NPFFR2: variants seen among roughly 807,000 people sequenced by gnomAD.
NPFFR2 encodes neuropeptide FF receptor 2, also known as G-protein coupled receptor 74.
A neutral mutation model predicts 13.1 loss-of-function variants in NPFFR2; 15 were observed. That is an observed-to-expected ratio of 1.15 (90% CI 0.77 to 1.76). The LOEUF is 1.76. Ranked by LOEUF, NPFFR2 falls within the 40% of genes most tolerant of loss-of-function variation. The pLI is 0.00. For synonymous variants in NPFFR2, 190 were observed against 175.7 expected, an observed-to-expected ratio of 1.08 and a Z score of -0.65; for missense variants, 572 against 503.5, an observed-to-expected ratio of 1.14 and a Z score of -1.30.
chr4:72,038,905 CTTTTT>C lies in NPFFR2; in HGVS notation c.-8+6722_-8+6726del, dbSNP rs1158358179. Among the ~76,000 whole-genome samples the C allele has an allele frequency of 1.1e-4, 9 of 84,752 alleles. No individual in the cohort carries two copies. In the East Asian group the frequency reaches 1.5e-3, roughly 15 times the overall value. 55.6% of individuals were successfully genotyped at this position (84,752 alleles called of 152,430 possible). A position where few individuals can be genotyped will look rare whatever the true frequency, so the allele number is the denominator to read the frequency against. On this transcript the variant is annotated intron_variant, in intron 1 of 3. Transcript: ENST00000308744. ...AATTCTTGATTTTTAAATTTCCTTTCTTTTTTTTTTTTTTTTTTTTTGAGATGGAG... is the reference window on the plus strand; with the variant it reads ...AATTCTTGATTTTTAAATTTCCTTTCTTTTTTTTTTTTTTTTGAGATGGAG...
chr4:72,115,874 A>G (rs1721699266), intron 1 of NPFFR2, among the ~76,000 whole-genome samples: 1 of 152,174 alleles, frequency 6.6e-6, no homozygotes, highest in Admixed American at 6.6e-5. Context: ...GTTGCATTAA[A>G]GTGGTTCTCA....
chr4:72,081,545 G>A (rs897565980), intron 1 of NPFFR2, among the ~76,000 whole-genome samples: 2 of 148,540 alleles, frequency 1.3e-5, no homozygotes, highest in African/African-American at 5.0e-5. Flanking sequence ...CTGGAATGCA[G>A]TGGCATGGTC....
intron 1 of NPFFR2, among the ~76,000 whole-genome samples, chr4:72,086,270 T>C (rs1199979503): frequency 1.3e-5 from 2 of 152,096 alleles, no homozygotes; most frequent in Non-Finnish European, 2.9e-5. Flanking sequence ...TAGATCCTTG[T>C]TGTTTTGCAG....
intron 1 of NPFFR2, among the ~76,000 whole-genome samples, chr4:72,091,043 C>T (rs887162047): frequency 1.1e-4 from 16 of 151,634 alleles, no homozygotes; most frequent in African/African-American, 2.4e-4. Context: ...TTAATCATAA[C>T]GGGATGCTGG....
At chr4:72,065,022 A>G (rs1274626444) in intron 1 of NPFFR2, among the ~76,000 whole-genome samples, 1 of 152,062 alleles carries the variant, frequency 6.6e-6, no homozygotes, top group African/African-American at 2.4e-5. Flanking sequence ...CACAATATCA[A>G]TGCATCCAAG....
chr4:72,128,875 G>A lies in NPFFR2; in HGVS notation c.284G>A (p.Gly95Asp), dbSNP rs771116511. 1.9e-6 allele frequency: 3 copies of A among 1,613,716 alleles called. No homozygotes were observed. In the African/African-American group the frequency reaches 4.0e-5, roughly 22 times the overall value. The change falls in exon 2 of 4, where the codon GGC becomes GAC. Residue 95 changes from glycine to aspartate, a missense_variant. Coordinates refer to ENST00000308744, the MANE Select transcript of NPFFR2 (RefSeq NM_004885.3). ...LNLAISDLLV[G>D]IFCMPITLLD... is the part of the protein sequence containing the mutation. ...CTGGCCATAAGTGATTTACTAGTTG[G>A]CATATTCTGCATGCCTATAACACTG...
chr4:72,106,423 C>T (rs1163004569), intron 1 of NPFFR2, among the ~76,000 whole-genome samples: 4 of 152,024 alleles, frequency 2.6e-5, no homozygotes, highest in African/African-American at 4.8e-5. Context: ...AGATTTCTCA[C>T]GGCCAAGGAA....
At chr4:72,116,403 T>C (rs1721713796) in intron 1 of NPFFR2, among the ~76,000 whole-genome samples, 1 of 151,556 alleles carries the variant, frequency 6.6e-6, no homozygotes, top group Non-Finnish European at 1.5e-5. Context: ...CAATGGACAC[T>C]GGGGACTACT....
intron 3 of NPFFR2, among the ~76,000 whole-genome samples, chr4:72,141,908 G>T (rs1257105366): frequency 6.6e-6 from 1 of 152,126 alleles, no homozygotes; most frequent in Non-Finnish European, 1.5e-5. Context: ...CTATTTGTAG[G>T]TCTCTAAGGA....
At chr4:72,037,098 G>A (rs1719057169) in intron 1 of NPFFR2, among the ~76,000 whole-genome samples, 2 of 151,842 alleles carry the variant, frequency 1.3e-5, no homozygotes, top group Non-Finnish European at 1.5e-5. Flanking sequence ...AATCTTTAAA[G>A]TACCTCATTT....
At chr4:72,092,650 A>G (rs1376354887) in intron 1 of NPFFR2, among the ~76,000 whole-genome samples, 1 of 152,108 alleles carries the variant, frequency 6.6e-6, no homozygotes, top group African/African-American at 2.4e-5. Context: ...TGGTATAGGA[A>G]TAGTTACTCC....
At chr4:72,037,243 A>C (rs1241985720) in intron 1 of NPFFR2, among the ~76,000 whole-genome samples, 1 of 144,698 alleles carries the variant, frequency 6.9e-6, no homozygotes, top group Non-Finnish European at 1.5e-5. Flanking sequence ...AAAAAAAAAC[A>C]AAAAACTAGC....
chr4:72,047,076 A>G (rs542650631), intron 1 of NPFFR2, among the ~76,000 whole-genome samples: 1 of 152,270 alleles, frequency 6.6e-6, no homozygotes, highest in African/African-American at 2.4e-5. Context: ...TTTTAACCAT[A>G]TACAGTGAGA....
Position 72,142,565 on chromosome 4 carries a change from C to T in NPFFR2, c.429-4413C>T, listed in dbSNP as rs553811320. 4.6e-5 allele frequency among the ~76,000 whole-genome samples: 7 copies of T among 152,240 alleles called. No individual in the cohort carries two copies. In the South Asian group the frequency reaches 6.2e-4, roughly 14 times the overall value. Reference sequence around the variant, plus strand: ...CTGTTCCTATCCGGCCATTTTGGAACGGAACCTGAGAATATCTACCTCTTT... The same window carrying T: ...CTGTTCCTATCCGGCCATTTTGGAATGGAACCTGAGAATATCTACCTCTTT... On this transcript the variant is annotated intron_variant, in intron 3 of 3. Transcript: ENST00000308744.
intron 1 of NPFFR2, among the ~76,000 whole-genome samples, chr4:72,125,998 T>A (rs1352971507): frequency 6.6e-6 from 1 of 152,222 alleles, no homozygotes; most frequent in Admixed American, 6.5e-5. Flanking sequence ...CTGAGGTAGA[T>A]TAATATTGAA....
chr4:72,091,140 G>A (rs1720908919), intron 1 of NPFFR2, among the ~76,000 whole-genome samples: 1 of 151,986 alleles, frequency 6.6e-6, no homozygotes, highest in Non-Finnish European at 1.5e-5. Context: ...TACATTTATG[G>A]ACTTGTGTAT....
At chr4:72,033,978 T>C (rs1365479553) in intron 1 of NPFFR2, among the ~76,000 whole-genome samples, 1 of 152,180 alleles carries the variant, frequency 6.6e-6, no homozygotes, top group Non-Finnish European at 1.5e-5. Context: ...CTGTGATAAA[T>C]ATTTATAAAC....
At chr4:72,050,501 CTT>C (rs1719512361) in intron 1 of NPFFR2, among the ~76,000 whole-genome samples, 1 of 151,950 alleles carries the variant, frequency 6.6e-6, no homozygotes, top group African/African-American at 2.4e-5. Flanking sequence ...AAAACAGACT[CTT>C]TGCAGCAATA....
chr4:72,138,632 T>G (rs1722497480), intron 3 of NPFFR2, among the ~76,000 whole-genome samples: 2 of 152,210 alleles, frequency 1.3e-5, no homozygotes, highest in Admixed American at 1.3e-4. Flanking sequence ...GGTGTATATG[T>G]GCCACAATTT....
Sources: allele counts gnomAD v4.1 joint callset (sites outside exome capture counted in the v4.1 genomes callset), GRCh38; gene constraint gnomAD v4.1.1; transcripts MANE v1.5; gene names NCBI Gene and HGNC (gene_info 2026-07-23, HGNC 2026-07-21).